Variants in GRM8 observed in about 807,000 individuals in gnomAD.
The protein encoded by GRM8 is metabotropic glutamate receptor 8.
A neutral mutation model predicts 87.2 loss-of-function variants in GRM8; 47 were observed. The observed-to-expected ratio is 0.54, with a 90% CI of 0.43 to 0.69. The LOEUF (loss-of-function observed/expected upper bound fraction) is 0.69. Ranked by LOEUF, GRM8 falls within the 30% of genes least tolerant of loss-of-function variation. The pLI is 0.00. For missense variants in GRM8, 1,019 were observed against 1,139.2 expected, an observed-to-expected ratio of 0.89 and a Z score of 1.52; for synonymous variants, 396 against 404.5, an observed-to-expected ratio of 0.98 and a Z score of 0.25.
Position 126,582,470 on chromosome 7 carries a change from T to C in GRM8, c.1494+26892A>G, listed in dbSNP as rs1273871236. Among the ~76,000 whole-genome samples, 5 of 152,266 alleles carry C rather than the reference T, an allele frequency of 3.3e-5. 1 individual carries two copies. The South Asian group carries it at 8.3e-4, about 25-fold the overall frequency. ...CAAGGTGATGTAGCAAGTACTCATATGGGAGCTAAAGCAAGTTATCCAGGC... is the reference window on the plus strand; with the variant it reads ...CAAGGTGATGTAGCAAGTACTCATACGGGAGCTAAAGCAAGTTATCCAGGC... On this transcript the variant is annotated intron_variant, in intron 8 of 10. Transcript: ENST00000339582.
At chr7:126,640,547 C>G (rs1244810545) in intron 7 of GRM8, among the ~76,000 whole-genome samples, 2 of 152,028 alleles carry the variant, frequency 1.3e-5, no homozygotes, top group Non-Finnish European at 2.9e-5. Context: ...TTTATATTAT[C>G]AATCTCTCTC....
At position 126,609,502 on chromosome 7, in the gene GRM8, T is replaced by C. The variant is rs199933986; in HGVS notation, c.1358-4A>G. 2,507 of 1,606,950 alleles carry C rather than the reference T, an allele frequency of 1.6e-3. 4 individuals carry two copies. The highest frequency in any genetic ancestry group is 3.3e-3 in the Middle Eastern group (20 of 5,990). ...GTGACAGGAGTGCCAGCACTGCCTA[T>C]AAAGATTTAGAAAACAATGTTAATA... On this transcript the variant is annotated splice_polypyrimidine_tract_variant and splice_region_variant and intron_variant, in intron 7 of 10. Transcript: ENST00000339582.
At chr7:126,775,478 G>GTTTTTTTTTTTT (rs1819329871) in intron 6 of GRM8, among the ~76,000 whole-genome samples, 1 of 114,156 alleles carries the variant, frequency 8.8e-6, no homozygotes, top group African/African-American at 4.0e-5. Context: ...CTGACAAATA[G>GTTTTTTTTTTTT]GTTTTTTTTT....
At chr7:126,833,752 T>G (rs539736994) in intron 6 of GRM8, among the ~76,000 whole-genome samples, 1 of 152,264 alleles carries the variant, frequency 6.6e-6, no homozygotes, top group Non-Finnish European at 1.5e-5. Context: ...CAAACAAATT[T>G]GGGATCAGGG....
rs1263281212 is a variant in GRM8 at position 126,656,348 on chromosome 7, C to CA, written c.1358-46851dup. ...GCATTTGAATTGGTGAGAGAGCTAA[C>CA]AGTTTCCACTCCTCCTCATGTTATT... On this transcript the variant is annotated intron_variant, in intron 7 of 10. Coordinates refer to ENST00000339582, the MANE Select transcript of GRM8 (RefSeq NM_000845.3). Among the ~76,000 whole-genome samples the CA allele has an allele frequency of 3.3e-5, 5 of 152,270 alleles. No homozygotes were observed. The East Asian group carries it at 9.7e-4, about 29-fold the overall frequency.
chr7:127,036,328 C>T (rs920872681), intron 3 of GRM8, among the ~76,000 whole-genome samples: 2 of 152,170 alleles, frequency 1.3e-5, no homozygotes, highest in African/African-American at 4.8e-5. Flanking sequence ...CATATCCTAA[C>T]AAAAACTCTT....
chr7:127,093,875 G>A (rs1178558099), intron 3 of GRM8, among the ~76,000 whole-genome samples: 1 of 152,232 alleles, frequency 6.6e-6, no homozygotes, highest in East Asian at 1.9e-4. Context: ...CTAGAGGACA[G>A]AGACTCTGCA....
chr7:126,504,880 A>T (rs1810206540), intron 9 of GRM8, among the ~76,000 whole-genome samples: 1 of 152,088 alleles, frequency 6.6e-6, no homozygotes, highest in African/African-American at 2.4e-5. Context: ...CTTGCCCACT[A>T]ATTTCCAAAT....
At chr7:127,192,475 C>T (rs538262923) in intron 2 of GRM8, among the ~76,000 whole-genome samples, 2 of 152,306 alleles carry the variant, frequency 1.3e-5, no homozygotes, top group South Asian at 2.1e-4. Flanking sequence ...CCAAAGAAAG[C>T]TCTCTGAGCT....
At chr7:126,743,502 T>C (rs1304813229) in intron 7 of GRM8, among the ~76,000 whole-genome samples, 3 of 151,970 alleles carry the variant, frequency 2.0e-5, no homozygotes, top group African/African-American at 7.2e-5. Flanking sequence ...AAAAAATAAA[T>C]AAAAAGAATA....
chr7:126,659,725 C>T (rs534413402), intron 7 of GRM8, among the ~76,000 whole-genome samples: 1 of 152,180 alleles, frequency 6.6e-6, no homozygotes, highest in Non-Finnish European at 1.5e-5. Flanking sequence ...TACTGCTTTT[C>T]ATCAATTCTC....
chr7:127,143,536 T>G (rs1215635760), intron 2 of GRM8, among the ~76,000 whole-genome samples: 1 of 152,166 alleles, frequency 6.6e-6, no homozygotes, highest in Non-Finnish European at 1.5e-5. Context: ...GCTTTACCTT[T>G]AATCTTCATG....
At chr7:126,916,958 A>G (rs1803967979) in intron 3 of GRM8, among the ~76,000 whole-genome samples, 1 of 152,232 alleles carries the variant, frequency 6.6e-6, no homozygotes, top group South Asian at 2.1e-4. Context: ...TTTAGTACAT[A>G]AAAAGGTTAA....
At chr7:127,150,138 A>G (rs1828774602) in intron 2 of GRM8, among the ~76,000 whole-genome samples, 1 of 152,110 alleles carries the variant, frequency 6.6e-6, no homozygotes, top group East Asian at 1.9e-4. Flanking sequence ...TACCTTGAAT[A>G]TATACAATAC....
chr7:126,533,172 C>A lies in GRM8; in HGVS notation c.2210G>T (p.Arg737Met), dbSNP rs1331781834. 6.2e-7 allele frequency: 1 copy of A among 1,612,756 alleles called. No individual in the cohort carries two copies. The highest frequency in any genetic ancestry group is 1.3e-5 in the African/African-American group (1 of 74,608). ...EQRTLDPEKARGVLKCDISDL... is the reference protein window; with the variant it reads ...EQRTLDPEKAMGVLKCDISDL... ...AGAAATGTCACACTTGAGCACTCCC[C>A]TGGCCTTCTCTGGATCTAGTGTCCG... The change falls in exon 9 of 11, where the codon AGG (arginine) becomes ATG (methionine). Residue 737 changes from arginine (R) to methionine (M), a missense_variant. Coordinates refer to ENST00000339582, the MANE Select transcript of GRM8 (RefSeq NM_000845.3).
intron 3 of GRM8, among the ~76,000 whole-genome samples, chr7:126,992,394 A>G (rs755927246): frequency 2.0e-5 from 3 of 152,332 alleles, no homozygotes; most frequent in Non-Finnish European, 2.9e-5. Flanking sequence ...ACTAAATCTA[A>G]TAAGTTAATT....
At chr7:126,966,223 C>A (rs1198457993) in intron 3 of GRM8, among the ~76,000 whole-genome samples, 1 of 152,088 alleles carries the variant, frequency 6.6e-6, no homozygotes, top group Non-Finnish European at 1.5e-5. Flanking sequence ...CAACTTCTGC[C>A]TCCTGGGTTC....
At chr7:127,074,265 G>A (rs1434710942) in intron 3 of GRM8, among the ~76,000 whole-genome samples, 1 of 152,196 alleles carries the variant, frequency 6.6e-6, no homozygotes, top group African/African-American at 2.4e-5. Context: ...GGGGACTTCA[G>A]TGTAAAACTC....
At chr7:126,805,198 T>G (rs942326447) in intron 6 of GRM8, among the ~76,000 whole-genome samples, 2 of 152,172 alleles carry the variant, frequency 1.3e-5, no homozygotes, top group Non-Finnish European at 2.9e-5. Flanking sequence ...CCCTATTTTT[T>G]GTCTCCACTC....
Sources: gnomAD v4.1 joint callset for allele counts (sites outside exome capture counted in the v4.1 genomes callset) on GRCh38, gnomAD v4.1.1 for gene constraint, MANE v1.5 for transcripts, NCBI Gene and HGNC (gene_info 2026-07-23, HGNC 2026-07-21) for gene names.